Variants in TENM3 observed in about 807,000 individuals in gnomAD.
TENM3 encodes teneurin-3.
In TENM3, 63 loss-of-function variants were observed where a neutral mutation model predicts 255.1. The ratio of observed to expected loss-of-function variants is 0.25; its 90% CI spans 0.20 to 0.30. The LOEUF is 0.30. Among genes scored for constraint, TENM3 ranks in the 10% least tolerant of loss-of-function variants. TENM3 has a pLI of 1.00. For missense variants in TENM3, 2,929 were observed against 3,461.1 expected (o/e 0.85, Z 3.86); for synonymous variants, 1,306 against 1,322.3 (o/e 0.99, Z 0.27).
At chr4:181,673,550 A>T in the TENM3 span, among the ~76,000 whole-genome samples, 2 of 152,134 alleles carry the variant, frequency 1.3e-5, no homozygotes, top group South Asian at 4.1e-4. Context: ...AGCTCAGGGG[A>T]GAGAGCAATT....
intron 7 of TENM3, 60 bp from the exon 8 acceptor site, chr4:182,679,606 A>G: frequency 7.3e-7 from 1 of 1,371,344 alleles, no homozygotes; most frequent in Non-Finnish European, 1.0e-6. Flanking sequence ...AGAGAAAAAA[A>G]AAAAGAGAGA....
the TENM3 span, among the ~76,000 whole-genome samples, chr4:181,665,586 A>G: frequency 6.6e-6 from 1 of 152,090 alleles, no homozygotes; most frequent in African/African-American, 2.4e-5. Flanking sequence ...ACAAATTTAC[A>G]TGTATGTTTA....
chr4:182,477,664 T>C (rs1006843565), intron 3 of TENM3, among the ~76,000 whole-genome samples: 22 of 134,924 alleles, frequency 1.6e-4, no homozygotes, highest in African/African-American at 6.6e-4. Context: ...ATTACCCAAG[T>C]TTCCAGGATT....
upstream of TENM3, among the ~76,000 whole-genome samples, chr4:182,242,022 CTT>C (rs1193342141): frequency 3.4e-5 from 4 of 117,162 alleles, no homozygotes; most frequent in Admixed American, 8.2e-5. Flanking sequence ...TTTCCTCTCT[CTT>C]TTTTTTTTTT....
At chr4:182,310,783 T>C (rs1431743521) in intron 1 of TENM3, among the ~76,000 whole-genome samples, 2 of 151,986 alleles carry the variant, frequency 1.3e-5, no homozygotes, top group Non-Finnish European at 2.9e-5. Flanking sequence ...CTTGGCTCAC[T>C]GCAGCCTCCG....
chr4:182,775,500 C>T (rs954409308), intron 24 of TENM3, among the ~76,000 whole-genome samples: 34 of 152,322 alleles, frequency 2.2e-4, no homozygotes, highest in African/African-American at 7.9e-4. Context: ...CCAGCTGCTG[C>T]TCTTTGTTCT....
intron 1 of TENM3, among the ~76,000 whole-genome samples, chr4:182,302,996 T>G (rs765988227): frequency 6.6e-6 from 1 of 152,198 alleles, no homozygotes; most frequent in Non-Finnish European, 1.5e-5. Flanking sequence ...GTCATCGAAG[T>G]GGAAATTTCA....
intron 1 of TENM3, among the ~76,000 whole-genome samples, chr4:182,306,133 T>C (rs1762117821): frequency 6.6e-6 from 1 of 152,158 alleles, no homozygotes; most frequent in African/African-American, 2.4e-5. Flanking sequence ...GAGGGCCCCC[T>C]CCTCTGTCCC....
chr4:182,373,187 T>C (rs1244595076), intron 3 of TENM3, among the ~76,000 whole-genome samples: 1 of 152,202 alleles, frequency 6.6e-6, no homozygotes, highest in Non-Finnish European at 1.5e-5. Flanking sequence ...AAGTTTTATT[T>C]TTCTTTGCCT....
the TENM3 span, among the ~76,000 whole-genome samples, chr4:181,988,407 A>G: frequency 2.6e-5 from 4 of 151,984 alleles, no homozygotes; most frequent in African/African-American, 9.7e-5. Flanking sequence ...TGGGGCTTTA[A>G]TTCAGCAACA....
chr4:181,707,118 C>A, the TENM3 span, among the ~76,000 whole-genome samples: 9 of 152,254 alleles, frequency 5.9e-5, no homozygotes. Flanking sequence ...TCTTAGAGCC[C>A]AGCAGAAGGG....
the TENM3 span, among the ~76,000 whole-genome samples, chr4:181,637,009 C>A: frequency 6.6e-6 from 1 of 152,146 alleles, no homozygotes; most frequent in Non-Finnish European, 1.5e-5. Flanking sequence ...ACACACACTG[C>A]ACATTCGGTT....
At chr4:181,674,571 A>G in the TENM3 span, among the ~76,000 whole-genome samples, 7 of 152,178 alleles carry the variant, frequency 4.6e-5, no homozygotes, top group Non-Finnish European at 7.3e-5. Flanking sequence ...GACTTCATGA[A>G]ATTACTTGAA....
At position 182,800,117 on chromosome 4, in the gene TENM3, G is replaced by A; in HGVS notation, c.7866G>A (p.Glu2622=). The change falls in exon 28 of 28, where the codon GAG becomes GAA. Residue 2622 remains glutamate, a synonymous_variant. Transcript: ENST00000511685. ...TLDEEKARIL[E]QARQRALARA... is the part of the protein sequence containing the mutation. ...ACGAGGAGAAGGCGCGCATCCTGGAGCAGGCGCGGCAGCGCGCGCTCGCCC... is the reference window on the plus strand; with the variant it reads ...ACGAGGAGAAGGCGCGCATCCTGGAACAGGCGCGGCAGCGCGCGCTCGCCC... The A allele has an allele frequency of 6.6e-7, 1 of 1,514,870 alleles. No homozygotes were observed. Among genetic ancestry groups the A allele is most frequent in the Non-Finnish European group, 8.8e-7 (1 of 1,139,970 alleles). The allele number at this position is 1,514,870 out of a possible 1,614,324, so 93.8% of individuals were successfully genotyped here.
At chr4:181,608,376 G>A in the TENM3 span, among the ~76,000 whole-genome samples, 7 of 152,160 alleles carry the variant, frequency 4.6e-5, no homozygotes, top group African/African-American at 7.2e-5. Context: ...CCAGATGGTC[G>A]TGCAGTGTAT....
At chr4:182,222,109 T>C (rs1445199203) in intron 1 of TENM3, among the ~76,000 whole-genome samples, 1 of 152,194 alleles carries the variant, frequency 6.6e-6, no homozygotes, top group Non-Finnish European at 1.5e-5. Flanking sequence ...ACCACTAGAA[T>C]GTAAGTTGTT....
chr4:182,785,748 G>A, intron 24 of TENM3, among the ~76,000 whole-genome samples: 2 of 143,096 alleles, frequency 1.4e-5, no homozygotes, highest in Non-Finnish European at 3.0e-5. Context: ...CTGAAGCCTG[G>A]AATAATGCTG....
At chr4:182,409,918 G>A (rs1056632479) in intron 3 of TENM3, among the ~76,000 whole-genome samples, 3 of 151,582 alleles carry the variant, frequency 2.0e-5, no homozygotes, top group Admixed American at 1.3e-4. Flanking sequence ...CGTCTTTCTG[G>A]GCTCAGGTGA....
At chr4:182,200,071 A>C (rs1754090208) in intron 1 of TENM3, among the ~76,000 whole-genome samples, 1 of 152,138 alleles carries the variant, frequency 6.6e-6, no homozygotes, top group Non-Finnish European at 1.5e-5. Context: ...GGATATAATT[A>C]GTCATTCAGT....
Sources: gnomAD v4.1 joint callset for allele counts (sites outside exome capture counted in the v4.1 genomes callset) on GRCh38, gnomAD v4.1.1 for gene constraint, MANE v1.5 for transcripts, NCBI Gene and HGNC (gene_info 2026-07-23, HGNC 2026-07-21) for gene names.